The following PTPRT variants were observed in gnomAD, a reference collection of about 807,000 sequenced individuals.
The protein encoded by PTPRT is receptor-type tyrosine-protein phosphatase T.
In PTPRT, 56 loss-of-function variants were observed where a neutral mutation model predicts 176.8. That is an observed-to-expected ratio of 0.32 (90% confidence interval 0.26 to 0.40). The LOEUF (loss-of-function observed/expected upper bound fraction) is 0.40, where lower values mean the gene tolerates loss of function less well. PTPRT is among the 10% of genes least tolerant of loss of function. PTPRT has a pLI of 1.00. For synonymous variants in PTPRT, 783 were observed against 739.0 expected, an observed-to-expected ratio of 1.06 and a Z score of -0.96; for missense variants, 1,540 against 1,908.2, an observed-to-expected ratio of 0.81 and a Z score of 3.60.
intron 9 of PTPRT, among the ~76,000 whole-genome samples, chr20:42,441,631 C>T (rs866541671): frequency 6.6e-6 from 1 of 152,184 alleles, no homozygotes; most frequent in African/African-American, 2.4e-5. Flanking sequence ...AACTGAAATG[C>T]TCCAAGCATC....
chr20:42,790,462 G>A (rs1203849092), intron 3 of PTPRT, among the ~76,000 whole-genome samples: 2 of 151,924 alleles, frequency 1.3e-5, no homozygotes, highest in African/African-American at 4.8e-5. Flanking sequence ...TTGAGAGGAA[G>A]TGTCCCTTCA....
chr20:42,038,374 A>G, the PTPRT span, among the ~76,000 whole-genome samples: 1 of 152,298 alleles, frequency 6.6e-6, no homozygotes, highest in East Asian at 1.9e-4. Context: ...GACTGTTAAG[A>G]CTTCCAAGAG....
At chr20:42,682,265 G>A (rs2075616340) in intron 6 of PTPRT, among the ~76,000 whole-genome samples, 1 of 152,120 alleles carries the variant, frequency 6.6e-6, no homozygotes, top group Non-Finnish European at 1.5e-5. Flanking sequence ...ATGCATATAA[G>A]TGATACCTTA....
In PTPRT at chr20:42,452,711, G is replaced by A. The variant is rs144737821; in HGVS notation, c.1451-4382C>T. On this transcript the variant is annotated intron_variant, in intron 8 of 30. Transcript: ENST00000373187. ...ATGAAACTCAAGCTAATAGATCTTG[G>A]TCTTTCCAATCTGGGGAAAATTCTC... Among the ~76,000 whole-genome samples the A allele has an allele frequency of 2.3e-3, 345 of 152,256 alleles. 1 individual carries two copies. The highest frequency in any genetic ancestry group is 7.7e-3 in the African/African-American group (319 of 41,552).
chr20:42,308,585 A>T (rs546137050), intron 12 of PTPRT, among the ~76,000 whole-genome samples: 18 of 152,310 alleles, frequency 1.2e-4, no homozygotes, highest in African/African-American at 3.8e-4. Flanking sequence ...TCCAACTGTA[A>T]TGCGATAAGA....
rs527988107 is a variant in PTPRT at position 42,869,367 on chromosome 20, C to T, written c.214+16440G>A. ...CCCAGCAAAGCCATGAAGAATGGGG[C>T]TGCCTGGGTCTTTGGCCCACCCTTG... On this transcript the variant is annotated intron_variant, in intron 2 of 30. Transcript: ENST00000373187. Among the ~76,000 whole-genome samples, 6 of 152,272 alleles carry T rather than the reference C, an allele frequency of 3.9e-5. No homozygotes were observed. In the South Asian group the frequency reaches 1.0e-3, roughly 26 times the overall value.
chr20:42,149,116 C>A (rs1989009907), intron 17 of PTPRT, among the ~76,000 whole-genome samples: 1 of 152,174 alleles, frequency 6.6e-6, no homozygotes, highest in Non-Finnish European at 1.5e-5. Flanking sequence ...GGAGGTGTGT[C>A]CCTGCTGATC....
At chr20:42,742,995 C>G (rs977098830) in intron 6 of PTPRT, among the ~76,000 whole-genome samples, 2 of 152,220 alleles carry the variant, frequency 1.3e-5, no homozygotes, top group African/African-American at 4.8e-5. Flanking sequence ...GCAGCCCTGT[C>G]TTGCTGGGGT....
intron 3 of PTPRT, among the ~76,000 whole-genome samples, chr20:42,789,683 T>C (rs1308080203): frequency 6.6e-6 from 1 of 152,110 alleles, no homozygotes; most frequent in African/African-American, 2.4e-5. Context: ...AGGAAATGCA[T>C]CATGAAGAAA....
At chr20:42,393,892 A>G (rs924369038) in intron 9 of PTPRT, among the ~76,000 whole-genome samples, 1 of 152,218 alleles carries the variant, frequency 6.6e-6, no homozygotes, top group African/African-American at 2.4e-5. Context: ...AAGAGGGTAG[A>G]TATCAACAGA....
intron 13 of PTPRT, among the ~76,000 whole-genome samples, chr20:42,254,365 C>T (rs2056600959): frequency 6.6e-6 from 1 of 152,212 alleles, no homozygotes; most frequent in African/African-American, 2.4e-5. Flanking sequence ...AGCCCTACCC[C>T]AGACCTACTA....
intron 9 of PTPRT, among the ~76,000 whole-genome samples, chr20:42,443,232 A>G (rs943406450): frequency 6.6e-6 from 1 of 152,178 alleles, no homozygotes; most frequent in Admixed American, 6.5e-5. Flanking sequence ...GCTGATCACA[A>G]TTGTGAGATT....
Position 42,622,683 on chromosome 20 carries a change from G to T in PTPRT, c.1153+55183C>A, listed in dbSNP as rs187943412. ...AAATAGAAGTCAGTGTAGAACAATA[G>T]ATGTCGAAATAAAAAACAAGATTAG... On this transcript the variant is annotated intron_variant, in intron 7 of 30. Coordinates refer to ENST00000373187, the MANE Select transcript of PTPRT (RefSeq NM_007050.6). 2.6e-5 allele frequency among the ~76,000 whole-genome samples: 4 copies of T among 152,230 alleles called. No homozygotes were observed. In the East Asian group the frequency reaches 7.7e-4, roughly 29 times the overall value.
chr20:42,410,750 TA>T (rs2059007196), intron 9 of PTPRT, among the ~76,000 whole-genome samples: 1 of 152,054 alleles, frequency 6.6e-6, no homozygotes, highest in African/African-American at 2.4e-5. Context: ...AGATTTAAAC[TA>T]AAAATTAATA....
chr20:42,662,369 C>A (rs1415569462), intron 7 of PTPRT, among the ~76,000 whole-genome samples: 4 of 152,128 alleles, frequency 2.6e-5, no homozygotes, highest in Non-Finnish European at 4.4e-5. Context: ...GGGTCCAGAG[C>A]AGGACTCTAA....
At chr20:42,414,077 C>G (rs2059041970) in intron 9 of PTPRT, among the ~76,000 whole-genome samples, 1 of 152,170 alleles carries the variant, frequency 6.6e-6, no homozygotes, top group South Asian at 2.1e-4. Flanking sequence ...GGTGATCAGC[C>G]CGCCTCCGCT....
chr20:42,283,342 T>C (rs573272425), intron 12 of PTPRT, among the ~76,000 whole-genome samples: 1 of 152,206 alleles, frequency 6.6e-6, no homozygotes, highest in East Asian at 1.9e-4. Context: ...GAAAGTAAAA[T>C]GCAAAGAATG....
In PTPRT at chr20:42,729,475, G is replaced by A. The variant is rs190361570; in HGVS notation, c.859+26987C>T. ...CCAACAATAGGGGAAGAACAGGACT[G>A]AGATGTGGGATTCCGTCAGCTCTCG... On this transcript the variant is annotated intron_variant, in intron 6 of 30. Transcript: ENST00000373187. Among the ~76,000 whole-genome samples the A allele has an allele frequency of 3.9e-4, 60 of 152,362 alleles. 3 individuals are homozygous for A. The South Asian group carries it at 8.7e-3, about 22-fold the overall frequency.
chr20:42,143,356 C>A (rs1293755368), intron 17 of PTPRT, among the ~76,000 whole-genome samples: 2 of 151,926 alleles, frequency 1.3e-5, no homozygotes, highest in African/African-American at 2.4e-5. Flanking sequence ...GAGATCAAGA[C>A]CATCCTGGCT....
Sources: gnomAD v4.1 joint callset for allele counts (sites outside exome capture counted in the v4.1 genomes callset) on GRCh38, gnomAD v4.1.1 for gene constraint, MANE v1.5 for transcripts, NCBI Gene and HGNC (gene_info 2026-07-23, HGNC 2026-07-21) for gene names.